Variants in STAU2 observed in about 807,000 individuals in gnomAD.
STAU2 encodes the protein staufen double-stranded RNA binding protein 2, also known as double-stranded RNA-binding protein Staufen homolog 2.
STAU2 carries 20 observed loss-of-function variants against 65.9 expected under a neutral mutation model. That is an observed-to-expected ratio of 0.30 (90% confidence interval 0.21 to 0.44). The LOEUF (loss-of-function observed/expected upper bound fraction) is 0.44, where lower values mean the gene tolerates loss of function less well. STAU2 is among the 20% of genes least tolerant of loss of function. The pLI is 1.00. For synonymous variants in STAU2, 232 were observed against 233.9 expected, an observed-to-expected ratio of 0.99 and a Z score of 0.07; for missense variants, 558 against 683.9, an observed-to-expected ratio of 0.82 and a Z score of 2.05.
At chr8:73,557,565 G>T (rs986725359) in intron 12 of STAU2, among the ~76,000 whole-genome samples, 5 of 152,304 alleles carry the variant, frequency 3.3e-5, no homozygotes, top group Admixed American at 1.3e-4. Flanking sequence ...AGTAGGATGT[G>T]ACTGTTTTCC....
intron 13 of STAU2, among the ~76,000 whole-genome samples, chr8:73,448,959 C>G (rs1439751920): frequency 6.6e-6 from 1 of 152,236 alleles, no homozygotes; most frequent in Non-Finnish European, 1.5e-5. Context: ...GCCTGCAGCC[C>G]GGCTGGGGCT....
chr8:73,641,334 G>C (rs917139645), intron 6 of STAU2, among the ~76,000 whole-genome samples: 5 of 151,904 alleles, frequency 3.3e-5, no homozygotes, highest in Non-Finnish European at 5.9e-5. Flanking sequence ...ACTCCAGCTT[G>C]GGCAACAGAA....
chr8:73,568,897 T>A (rs1586023686), intron 12 of STAU2, among the ~76,000 whole-genome samples: 1 of 152,158 alleles, frequency 6.6e-6, no homozygotes, highest in African/African-American at 2.4e-5. Context: ...ATGCTGCAGC[T>A]CCCAGTGTGA....
chr8:73,678,134 A>G (rs1448487036), intron 5 of STAU2, among the ~76,000 whole-genome samples: 1 of 152,022 alleles, frequency 6.6e-6, no homozygotes, highest in Admixed American at 6.6e-5. Flanking sequence ...CCCATAAACT[A>G]TGACAATGGT....
At chr8:73,526,810 ATTTG>A (rs1223540883) in intron 13 of STAU2, among the ~76,000 whole-genome samples, 5 of 152,320 alleles carry the variant, frequency 3.3e-5, no homozygotes, top group African/African-American at 1.2e-4. Context: ...AATAAAAGGA[ATTTG>A]TTTATTAAGA....
At chr8:73,491,029 C>T (rs921321760) in intron 13 of STAU2, among the ~76,000 whole-genome samples, 8 of 151,926 alleles carry the variant, frequency 5.3e-5, no homozygotes, top group East Asian at 1.9e-4. Flanking sequence ...CTCAAATCCT[C>T]GGCAGTAAAA....
At chr8:73,641,839 T>G (rs1815000480) in intron 6 of STAU2, among the ~76,000 whole-genome samples, 1 of 152,230 alleles carries the variant, frequency 6.6e-6, no homozygotes, top group Admixed American at 6.5e-5. Flanking sequence ...TCCCTTTGGG[T>G]TCTAAATTTT....
intron 12 of STAU2, among the ~76,000 whole-genome samples, chr8:73,574,378 C>G (rs1365739608): frequency 1.3e-5 from 2 of 152,174 alleles, no homozygotes; most frequent in Non-Finnish European, 2.9e-5. Flanking sequence ...ACTAGAAATA[C>G]CATTTGACCC....
intron 1 of STAU2, 35 bp from the exon 2 acceptor site, chr8:73,739,903 C>T (rs914372657): frequency 3.8e-6 from 3 of 782,542 alleles, no homozygotes; most frequent in Non-Finnish European, 6.4e-6. Context: ...TAATGAGATA[C>T]CACTTCCAAG....
At chr8:73,704,111 A>G (rs1415251946) in intron 4 of STAU2, among the ~76,000 whole-genome samples, 1 of 152,214 alleles carries the variant, frequency 6.6e-6, no homozygotes, top group Non-Finnish European at 1.5e-5. Context: ...TTCAAGAGGC[A>G]CATCCTACAG....
intron 3 of STAU2, among the ~76,000 whole-genome samples, chr8:73,726,593 C>A (rs2130731567): frequency 6.6e-6 from 1 of 152,226 alleles, no homozygotes; most frequent in East Asian, 1.9e-4. Context: ...TGGATAGTCA[C>A]TATTGTTATC....
At chr8:73,560,238 G>A (rs1417457197) in intron 12 of STAU2, among the ~76,000 whole-genome samples, 1 of 151,946 alleles carries the variant, frequency 6.6e-6, no homozygotes, top group South Asian at 2.1e-4. Flanking sequence ...CCACCACCAT[G>A]CCTGGCTAAT....
chr8:73,522,500 C>T (rs1185767549), intron 13 of STAU2, among the ~76,000 whole-genome samples: 1 of 152,116 alleles, frequency 6.6e-6, no homozygotes, highest in Non-Finnish European at 1.5e-5. Context: ...CTGACAAGTT[C>T]AAAATTTCAT....
At chr8:73,745,992 C>G (rs1283575693) in intron 1 of STAU2, among the ~76,000 whole-genome samples, 1 of 151,868 alleles carries the variant, frequency 6.6e-6, no homozygotes, top group Non-Finnish European at 1.5e-5. Flanking sequence ...TGCTCTCACA[C>G]AGCGGATTCC....
intron 6 of STAU2, among the ~76,000 whole-genome samples, chr8:73,656,814 T>C (rs990145975): frequency 6.6e-6 from 1 of 152,180 alleles, no homozygotes; most frequent in Non-Finnish European, 1.5e-5. Context: ...ACAAAAAAGA[T>C]TTTAAATTTG....
intron 13 of STAU2, among the ~76,000 whole-genome samples, chr8:73,523,182 C>G (rs1396628836): frequency 9.5e-6 from 1 of 105,288 alleles, no homozygotes; most frequent in Non-Finnish European, 1.8e-5. Context: ...GGTGACAGAG[C>G]AAGACTTTGT....
At chr8:73,630,219 C>T (rs1813985065) in intron 6 of STAU2, among the ~76,000 whole-genome samples, 1 of 152,244 alleles carries the variant, frequency 6.6e-6, no homozygotes, top group Non-Finnish European at 1.5e-5. Context: ...CTCTCCTTTT[C>T]CTGCATTGCT....
intron 11 of STAU2, among the ~76,000 whole-genome samples, chr8:73,594,210 C>G (rs1279573320): frequency 5.9e-5 from 9 of 152,074 alleles, no homozygotes; most frequent in Admixed American, 2.0e-4. Flanking sequence ...TGTTGACTAG[C>G]CAGGTTATAA....
intron 7 of STAU2, among the ~76,000 whole-genome samples, chr8:73,616,282 G>A (rs1254781052): frequency 6.6e-6 from 1 of 152,124 alleles, no homozygotes; most frequent in East Asian, 1.9e-4. Flanking sequence ...CATATATGCT[G>A]AACTTACTAT....
Sources: gnomAD v4.1 joint callset for allele counts (sites outside exome capture counted in the v4.1 genomes callset) on GRCh38, gnomAD v4.1.1 for gene constraint, MANE v1.5 for transcripts, NCBI Gene and HGNC (gene_info 2026-07-23, HGNC 2026-07-21) for gene names.